Variants in LIPA observed in about 807,000 individuals in gnomAD.
The protein encoded by LIPA is lipase A, lysosomal acid type.
LIPA carries 26 observed loss-of-function variants against 40.6 expected under a neutral mutation model. The observed-to-expected ratio is 0.64, with a 90% CI of 0.47 to 0.89. The LOEUF is 0.89. Ranked by LOEUF, LIPA falls within the 40% of genes least tolerant of loss-of-function variation. LIPA has a pLI of 0.00. For synonymous variants in LIPA, 188 were observed against 168.4 expected (o/e 1.12, Z -0.90); for missense variants, 455 against 479.6 (o/e 0.95, Z 0.48).
chr10:89,256,658 G>T (rs2030588269), upstream of LIPA, among the ~76,000 whole-genome samples: 1 of 152,210 alleles, frequency 6.6e-6, no homozygotes, highest in Admixed American at 6.5e-5. Context: ...TGTAAAATGG[G>T]TGTATGAAGG....
intron 1 of LIPA, among the ~76,000 whole-genome samples, chr10:89,329,067 T>A (rs890032261): frequency 6.6e-6 from 1 of 152,138 alleles, no homozygotes; most frequent in African/African-American, 2.4e-5. Context: ...GGGGATAGCA[T>A]GTTAGGGAGA....
chr10:89,314,327 T>G (rs1331838233), intron 1 of LIPA, among the ~76,000 whole-genome samples: 1 of 152,234 alleles, frequency 6.6e-6, no homozygotes, highest in South Asian at 2.1e-4. Context: ...AGAAGAGAAT[T>G]TGACTCCATA....
At chr10:89,217,101 G>C (rs1842638104) in intron 8 of LIPA, among the ~76,000 whole-genome samples, 1 of 152,196 alleles carries the variant, frequency 6.6e-6, no homozygotes, top group Non-Finnish European at 1.5e-5. Context: ...TTAAATGTAT[G>C]TCAAAAATTA....
rs545230518 is a variant in LIPA, at chr10:89,392,190, CAATT to C, written c.61+20597_61+20600del. Among the ~76,000 whole-genome samples the C allele has an allele frequency of 2.0e-4, 31 of 152,302 alleles. No homozygotes were observed. In the East Asian group the frequency reaches 2.3e-3, roughly 11 times the overall value. On this transcript the variant is annotated intron_variant, in intron 2 of 8. Transcript: ENST00000371837. ...ACCAGCAACCAAAAGCCTTGTTACT[CAATT>C]AATTAAGAGTAGATTTTTATATTTG... is the stretch of plus-strand genomic sequence containing the variant.
At chr10:89,326,491 TTAGA>T (rs1429831143) in intron 1 of LIPA, among the ~76,000 whole-genome samples, 3 of 152,178 alleles carry the variant, frequency 2.0e-5, no homozygotes, top group East Asian at 1.9e-4. Flanking sequence ...AAAAATATAC[TTAGA>T]TAGAATTAAT....
chr10:89,293,325 T>A (rs1843387098), intron 1 of LIPA, among the ~76,000 whole-genome samples: 1 of 152,184 alleles, frequency 6.6e-6, no homozygotes, highest in Non-Finnish European at 1.5e-5. Flanking sequence ...TCAGGTAGTA[T>A]CTTTCTAGAG....
At chr10:89,250,666 T>C (rs1049942441) in intron 1 of LIPA, among the ~76,000 whole-genome samples, 1 of 152,238 alleles carries the variant, frequency 6.6e-6, no homozygotes, top group Non-Finnish European at 1.5e-5. Flanking sequence ...GCGGTTTTCC[T>C]ACAGAACCTG....
intron 2 of LIPA, among the ~76,000 whole-genome samples, chr10:89,409,064 C>T (rs562801427): frequency 5.3e-5 from 8 of 152,296 alleles, no homozygotes; most frequent in Admixed American, 2.0e-4. Context: ...CGTCCTTGAG[C>T]GGCTACGGGA....
At chr10:89,334,478 C>CTTTTTTTTTT (rs578154457) in intron 1 of LIPA, among the ~76,000 whole-genome samples, 16 of 25,312 alleles carry the variant, frequency 6.3e-4, no homozygotes, top group Non-Finnish European at 6.9e-4. Flanking sequence ...TTCTTTTATT[C>CTTTTTTTTTT]TTTTTTTTTT....
intron 2 of LIPA, among the ~76,000 whole-genome samples, chr10:89,381,835 G>T (rs1184597273): frequency 6.6e-6 from 1 of 151,904 alleles, no homozygotes; most frequent in Non-Finnish European, 1.5e-5. Context: ...GCCCAGCCTG[G>T]AGTGCAGTGG....
At chr10:89,407,786 G>T (rs563549006) in intron 2 of LIPA, among the ~76,000 whole-genome samples, 2 of 152,166 alleles carry the variant, frequency 1.3e-5, no homozygotes, top group East Asian at 3.9e-4. Flanking sequence ...GATTTTTCTC[G>T]GTCCTCTTTG....
chr10:89,311,889 G>A (rs956827793), intron 1 of LIPA, among the ~76,000 whole-genome samples: 6 of 152,086 alleles, frequency 3.9e-5, no homozygotes, highest in South Asian at 2.1e-4. Context: ...AGGCACTGGC[G>A]TATAGATCAC....
intron 2 of LIPA, among the ~76,000 whole-genome samples, chr10:89,382,357 C>A (rs1844169744): frequency 6.6e-6 from 1 of 152,160 alleles, no homozygotes; most frequent in African/African-American, 2.4e-5. Context: ...GTGAGGACCA[C>A]TTTTTCAACT....
chr10:89,296,825 C>T (rs560624912), intron 1 of LIPA, among the ~76,000 whole-genome samples: 1 of 152,256 alleles, frequency 6.6e-6, no homozygotes, highest in East Asian at 1.9e-4. Flanking sequence ...TACATGATTA[C>T]CCCCTTTGTG....
intron 3 of LIPA, among the ~76,000 whole-genome samples, chr10:89,230,603 G>A (rs1564756822): frequency 6.6e-6 from 1 of 152,172 alleles, no homozygotes; most frequent in African/African-American, 2.4e-5. Context: ...ACCACGCCCA[G>A]CCCGATCATG....
chr10:89,304,769 GT>G (rs1299395361), intron 1 of LIPA, among the ~76,000 whole-genome samples: 1 of 151,610 alleles, frequency 6.6e-6, no homozygotes, highest in Non-Finnish European at 1.5e-5. Context: ...TTTTGTTGTT[GT>G]TTTGTTTTGT....
At chr10:89,403,771 C>A in intron 2 of LIPA, 1 of 898,276 alleles carries the variant, frequency 1.1e-6, no homozygotes, top group Non-Finnish European at 1.7e-6. Context: ...ATTTACTAAT[C>A]ATCTTTTCTG....
intron 1 of LIPA, among the ~76,000 whole-genome samples, chr10:89,299,509 C>T (rs777784832): frequency 1.3e-5 from 2 of 151,908 alleles, no homozygotes; most frequent in Non-Finnish European, 2.9e-5. Context: ...CCCAGCAATC[C>T]CCAATCAGAT....
At chr10:89,316,073 G>C (rs978622758) in intron 1 of LIPA, among the ~76,000 whole-genome samples, 1 of 152,130 alleles carries the variant, frequency 6.6e-6, no homozygotes, top group Non-Finnish European at 1.5e-5. Context: ...ATCTCCTAGA[G>C]ACATTATTAA....
Sources: gnomAD v4.1 joint callset for allele counts (sites outside exome capture counted in the v4.1 genomes callset) on GRCh38, gnomAD v4.1.1 for gene constraint, MANE v1.5 for transcripts, NCBI Gene and HGNC (gene_info 2026-07-23, HGNC 2026-07-21) for gene names.